Variants in ANP32B observed in about 807,000 individuals in gnomAD.
ANP32B encodes acidic leucine-rich nuclear phosphoprotein 32 family member B.
Under a neutral mutation model 32.2 loss-of-function variants are expected in ANP32B, and 6 were observed. The observed-to-expected ratio is 0.19, with a 90% CI of 0.10 to 0.37. The LOEUF is 0.37. Among genes scored for constraint, ANP32B ranks in the 10% least tolerant of loss-of-function variants. ANP32B has a pLI of 1.00. For missense variants in ANP32B, 204 were observed against 289.2 expected (o/e 0.71, Z 2.14); for synonymous variants, 98 against 105.8 (o/e 0.93, Z 0.45).
Position 98,015,384 on chromosome 9 carries a change from G to T in ANP32B, c.709G>T (p.Gly237Cys). Reference protein sequence around the residue: ...EDEEEEEGGKGEKRKRETDDE... With the variant: ...EDEEEEEGGKCEKRKRETDDE... ...TACAGAGGAGGAAGAAGGTGGGAAA[G>T]GTGAAAAGAGGAAGAGAGAAACAGA... The change falls in exon 7 of 7, where the codon GGT (glycine) becomes TGT (cysteine). Residue 237 changes from glycine (G) to cysteine (C), a missense_variant. Transcript: ENST00000339399. The T allele has an allele frequency of 6.4e-7, 1 of 1,550,674 alleles. No individual in the cohort carries two copies. Among genetic ancestry groups the T allele is most frequent in the Admixed American group, 2.0e-5 (1 of 50,954 alleles).
chr9:97,990,906 C>T lies in ANP32B; in HGVS notation c.55-3725C>T, dbSNP rs112676717. 2.0e-3 allele frequency among the ~76,000 whole-genome samples: 299 copies of T among 150,958 alleles called. 1 individual carries two copies. The highest frequency in any genetic ancestry group is 6.8e-3 in the African/African-American group (277 of 41,024). On this transcript the variant is annotated intron_variant, in intron 1 of 6. Transcript: ENST00000339399. ...GCAATCTTGGCTCACTGCAACCCTC[C>T]GCCTCGCGGGTTCAAGCATTCTCCT...
intron 6 of ANP32B, 104 bp downstream of exon 6, chr9:98,012,576 G>A (rs1424406870): frequency 1.3e-6 from 2 of 1,504,844 alleles, no homozygotes; most frequent in Non-Finnish European, 9.0e-7. Flanking sequence ...AATACTCTTG[G>A]CTCTGGTGGT....
chr9:97,991,412 G>A (rs541839132), intron 1 of ANP32B, among the ~76,000 whole-genome samples: 1 of 152,190 alleles, frequency 6.6e-6, no homozygotes, highest in South Asian at 2.1e-4. Context: ...ACTGCACCTG[G>A]CCTTGAACAG....
chr9:97,996,729 G>A (rs1254386344), intron 2 of ANP32B, among the ~76,000 whole-genome samples: 1 of 151,846 alleles, frequency 6.6e-6, no homozygotes, highest in Non-Finnish European at 1.5e-5. Context: ...GAGTAGCTGG[G>A]ATTACAGACA....
intron 4 of ANP32B, 167 bp downstream of exon 4, chr9:98,005,320 C>T: frequency 2.0e-6 from 1 of 511,238 alleles, no homozygotes. Context: ...CTAGCCTGGG[C>T]AACATGGCAA....
intron 3 of ANP32B, among the ~76,000 whole-genome samples, chr9:98,001,326 G>A (rs953176898): frequency 6.6e-6 from 1 of 151,938 alleles, no homozygotes; most frequent in Non-Finnish European, 1.5e-5. Flanking sequence ...CAAGTAGCTG[G>A]GACTACAGGC....
At chr9:98,008,999 T>C (rs1317879411) in intron 4 of ANP32B, among the ~76,000 whole-genome samples, 4 of 152,184 alleles carry the variant, frequency 2.6e-5, no homozygotes, top group East Asian at 3.8e-4. Context: ...TAGATACTTA[T>C]CTCCTGATTC....
At chr9:98,006,758 C>T (rs57769363) in intron 4 of ANP32B, among the ~76,000 whole-genome samples, 9,112 of 152,128 alleles carry the variant, frequency 0.06, 873 homozygotes, top group African/African-American at 0.21. Flanking sequence ...TTACAGAGGC[C>T]GAGGTAGATC....
rs1414251910 is a variant in ANP32B at position 97,983,537 on chromosome 9, G to C, written c.-19G>C. 3 of 1,564,100 alleles carry C rather than the reference G, an allele frequency of 1.9e-6. No homozygotes were observed. Among genetic ancestry groups the C allele is most frequent in the Middle Eastern group, 1.8e-4 (1 of 5,562 alleles). On this transcript the variant is annotated 5_prime_UTR_variant, in exon 1 of 7. Coordinates refer to ENST00000339399, the MANE Select transcript of ANP32B (RefSeq NM_006401.3). Reference sequence around the variant, plus strand: ...CCCGCCGCGGAAAGTTAAGTTTGAAGAGGGGGGAAGAGGGGAACATGGACA... The same window carrying C: ...CCCGCCGCGGAAAGTTAAGTTTGAACAGGGGGGAAGAGGGGAACATGGACA...
rs1365176510 is a variant in ANP32B, at chr9:98,015,856, T to TA, written c.*425_*426insA. 3 of 962,920 alleles carry TA rather than the reference T, an allele frequency of 3.1e-6. No individual in the cohort carries two copies. In the African/African-American group the frequency reaches 5.3e-5, roughly 17 times the overall value. The allele number at this position is 962,920 out of a possible 1,614,324, so 59.6% of individuals were successfully genotyped here. On this transcript the variant is annotated 3_prime_UTR_variant, in exon 7 of 7. Coordinates refer to ENST00000339399, the MANE Select transcript of ANP32B (RefSeq NM_006401.3). ...TTTGCTTTTTAATTATTATTATTAT[T>TA]TTTTTTACATTAGGACATTTTATGT...
At chr9:97,999,800 A>AG (rs1326969867) in intron 3 of ANP32B, among the ~76,000 whole-genome samples, 2 of 152,198 alleles carry the variant, frequency 1.3e-5, no homozygotes, top group Non-Finnish European at 1.5e-5. Flanking sequence ...GACTGGAGGC[A>AG]GGGGGCTTAA....
Position 97,996,500 on chromosome 9 carries a change from C to T in ANP32B, c.204+1720C>T, listed in dbSNP as rs1017521727. 2.6e-5 allele frequency among the ~76,000 whole-genome samples: 4 copies of T among 152,168 alleles called. No individual in the cohort carries two copies. In the East Asian group the frequency reaches 7.7e-4, roughly 29 times the overall value. ...AACATTAATCACTTCCCTTATAGGG[C>T]TAATGAGAGGGAATCATACTTAAAG... On this transcript the variant is annotated intron_variant, in intron 2 of 6. Transcript: ENST00000339399.
At chr9:98,004,728 A>G (rs1437927871) in intron 3 of ANP32B, among the ~76,000 whole-genome samples, 2 of 152,236 alleles carry the variant, frequency 1.3e-5, no homozygotes, top group Non-Finnish European at 2.9e-5. Flanking sequence ...TCTTTAGACT[A>G]CTATGCTGCC....
intron 2 of ANP32B, among the ~76,000 whole-genome samples, chr9:97,995,202 C>A (rs1402339456): frequency 6.6e-6 from 1 of 152,208 alleles, no homozygotes; most frequent in South Asian, 2.1e-4. Flanking sequence ...TTAACTGTCA[C>A]AGAGTCCCAG....
chr9:98,012,596 C>T (rs766612404), intron 6 of ANP32B, 124 bp downstream of exon 6: 26 of 1,386,488 alleles, frequency 1.9e-5, no homozygotes, highest in Non-Finnish European at 2.5e-5. Flanking sequence ...TTTACACATT[C>T]ACATTCTCGT....
intron 2 of ANP32B, among the ~76,000 whole-genome samples, chr9:97,995,275 A>G (rs372089226): frequency 5.3e-5 from 8 of 152,328 alleles, no homozygotes; most frequent in Admixed American, 3.9e-4. Flanking sequence ...AGGCACAGCA[A>G]TAGTCCCAGG....
At chr9:98,002,575 CT>C (rs1206691280) in intron 3 of ANP32B, among the ~76,000 whole-genome samples, 5 of 152,262 alleles carry the variant, frequency 3.3e-5, no homozygotes, top group African/African-American at 9.6e-5. Context: ...AATTTTACTA[CT>C]TTCAGCAGTT....
At chr9:98,000,883 C>G (rs1404281255) in intron 3 of ANP32B, among the ~76,000 whole-genome samples, 1 of 148,238 alleles carries the variant, frequency 6.7e-6, no homozygotes, top group Non-Finnish European at 1.5e-5. Flanking sequence ...GATCATGCCT[C>G]TGCACTCCAG....
At chr9:98,014,569 C>T (rs985998691) in intron 6 of ANP32B, among the ~76,000 whole-genome samples, 2 of 152,034 alleles carry the variant, frequency 1.3e-5, no homozygotes, top group African/African-American at 4.8e-5. Context: ...TATTAGTTTG[C>T]TACAATTTGA....
Sources: allele counts gnomAD v4.1 joint callset (sites outside exome capture counted in the v4.1 genomes callset), GRCh38; gene constraint gnomAD v4.1.1; transcripts MANE v1.5; gene names NCBI Gene and HGNC (gene_info 2026-07-23, HGNC 2026-07-21).